The following ADAM22 variants were observed in gnomAD, a reference collection of about 807,000 sequenced individuals.
ADAM22 encodes the protein ADAM metallopeptidase domain 22.
ADAM22 carries 65 observed loss-of-function variants against 144.6 expected under a neutral mutation model. The ratio of observed to expected loss-of-function variants is 0.45; its 90% CI spans 0.37 to 0.55. The LOEUF is 0.55. Among genes scored for constraint, ADAM22 ranks in the 20% least tolerant of loss-of-function variants. The pLI is 0.00. For synonymous variants in ADAM22, 391 were observed against 412.6 expected (o/e 0.95, Z 0.63); for missense variants, 974 against 1,184.9 (o/e 0.82, Z 2.61).
intron 2 of ADAM22, among the ~76,000 whole-genome samples, chr7:87,963,716 T>C (rs1251442028): frequency 6.6e-6 from 1 of 152,160 alleles, no homozygotes; most frequent in Non-Finnish European, 1.5e-5. Flanking sequence ...GCTGAGCAGC[T>C]AATCAGAGGG....
chr7:88,117,581 A>G (rs1037846156), intron 7 of ADAM22, among the ~76,000 whole-genome samples: 9 of 151,450 alleles, frequency 5.9e-5, no homozygotes, highest in African/African-American at 1.9e-4. Flanking sequence ...GCTGTGCTGG[A>G]CTCATTTGTT....
At chr7:87,994,871 A>G (rs1329403192) in intron 3 of ADAM22, among the ~76,000 whole-genome samples, 3 of 151,692 alleles carry the variant, frequency 2.0e-5, no homozygotes, top group Admixed American at 6.6e-5. Context: ...TCTGTCGCCC[A>G]GGCTGGAGTG....
rs1236670237 is a variant in ADAM22, at chr7:88,197,337, AGG to A, written c.*847_*848del. 3 of 152,198 alleles carry A rather than the reference AGG, an allele frequency of 2.0e-5. No individual in the cohort carries two copies. Among genetic ancestry groups the A allele is most frequent in the African/African-American group, 7.2e-5 (3 of 41,448 alleles). The allele number at this position is 152,198 out of a possible 1,614,324, so 9.4% of individuals were successfully genotyped here. On this transcript the variant is annotated 3_prime_UTR_variant, in exon 32 of 32. Coordinates refer to ENST00000413139, the MANE Select transcript of ADAM22 (RefSeq NM_001324418.2). ...TCCCTTTAACCTGTGCACAGTCTGG[AGG>A]CAGTTTTATTGAGTGAGTAGTTGAG... is the stretch of plus-strand genomic sequence containing the variant.
intron 1 of ADAM22, 29 bp downstream of exon 1, chr7:87,934,579 G>A (rs376585097): frequency 1.7e-4 from 263 of 1,590,618 alleles, no homozygotes; most frequent in Non-Finnish European, 2.1e-4. Flanking sequence ...GTGCCTTTGG[G>A]CCATACCATT....
intron 10 of ADAM22, among the ~76,000 whole-genome samples, chr7:88,130,681 C>G (rs1437189205): frequency 6.6e-6 from 1 of 152,072 alleles, no homozygotes; most frequent in Non-Finnish European, 1.5e-5. Flanking sequence ...GAAATTCCAT[C>G]CTATGTTTTT....
intron 3 of ADAM22, among the ~76,000 whole-genome samples, chr7:88,044,516 G>A (rs556047736): frequency 3.4e-4 from 51 of 151,954 alleles, no homozygotes; most frequent in African/African-American, 9.9e-4. Context: ...GCGCGGTCTC[G>A]GCTCACTGCA....
At chr7:88,116,607 A>G in intron 6 of ADAM22, 138 bp from the exon 7 acceptor site, 1 of 639,632 alleles carries the variant, frequency 1.6e-6, no homozygotes. Context: ...GGGGTTGGGC[A>G]ATGGTTCATC....
At chr7:88,124,886 T>C (rs1830062692) in intron 7 of ADAM22, among the ~76,000 whole-genome samples, 1 of 151,962 alleles carries the variant, frequency 6.6e-6, no homozygotes, top group Non-Finnish European at 1.5e-5. Context: ...TCACCTTGAG[T>C]GTTTTATAGT....
chr7:88,167,645 C>T (rs1586423264), intron 24 of ADAM22, among the ~76,000 whole-genome samples: 1 of 152,290 alleles, frequency 6.6e-6, no homozygotes, highest in East Asian at 1.9e-4. Context: ...GGGCAGTAAT[C>T]ACAGAAGTCT....
chr7:87,982,068 T>TATACACACAC (rs1244517564), intron 3 of ADAM22, among the ~76,000 whole-genome samples: 3 of 93,744 alleles, frequency 3.2e-5, no homozygotes, highest in African/African-American at 9.2e-5. Context: ...TATATATATA[T>TATACACACAC]ACACACACAC....
intron 3 of ADAM22, among the ~76,000 whole-genome samples, chr7:88,066,039 T>G (rs1002762974): frequency 6.6e-6 from 1 of 152,196 alleles, no homozygotes; most frequent in East Asian, 1.9e-4. Flanking sequence ...AGACTTTTAC[T>G]GTTTTGAAAA....
At chr7:88,092,342 A>C (rs1019095202) in intron 4 of ADAM22, among the ~76,000 whole-genome samples, 1 of 152,204 alleles carries the variant, frequency 6.6e-6, no homozygotes, top group African/African-American at 2.4e-5. Flanking sequence ...GGAAGAGAGT[A>C]AAAGAGCCAT....
Position 88,202,828 on chromosome 7 carries a change from T to C in ADAM22, c.*6337T>C, listed in dbSNP as rs1851291563. 1 of 152,248 alleles carries C rather than the reference T, an allele frequency of 6.6e-6. No homozygotes were observed. The highest frequency in any genetic ancestry group is 1.5e-5 in the Non-Finnish European group (1 of 68,050). The allele number at this position is 152,248 out of a possible 1,614,324, so 9.4% of individuals were successfully genotyped here. On this transcript the variant is annotated 3_prime_UTR_variant, in exon 32 of 32. Transcript: ENST00000413139. The stretch of plus-strand genomic sequence containing the variant: ...AAGCTAATAAGATACCATGGTTTTC[T>C]ATGTTACTCCCATTGTAACATTAGT...
At chr7:88,155,525 G>GAA (rs797005307) in intron 21 of ADAM22, among the ~76,000 whole-genome samples, 4 of 68,562 alleles carry the variant, frequency 5.8e-5, no homozygotes, top group African/African-American at 1.1e-4. Context: ...CTGACTCTAA[G>GAA]AAAAAAAAAA....
chr7:87,984,961 C>T (rs955431795), intron 3 of ADAM22, among the ~76,000 whole-genome samples: 1 of 151,982 alleles, frequency 6.6e-6, no homozygotes, highest in Admixed American at 6.6e-5. Flanking sequence ...CATGAGCTAC[C>T]ACACCTAGCT....
intron 3 of ADAM22, among the ~76,000 whole-genome samples, chr7:88,030,879 G>A (rs1298323936): frequency 1.3e-5 from 2 of 152,178 alleles, no homozygotes; most frequent in African/African-American, 4.8e-5. Context: ...CACTTTGGGA[G>A]GCCAAGGTGG....
intron 4 of ADAM22, among the ~76,000 whole-genome samples, chr7:88,102,139 T>C (rs1823106423): frequency 6.6e-6 from 1 of 152,228 alleles, no homozygotes; most frequent in Non-Finnish European, 1.5e-5. Flanking sequence ...GTCCAGGATA[T>C]GGTAGATACT....
At chr7:88,047,229 A>G (rs373343117) in intron 3 of ADAM22, among the ~76,000 whole-genome samples, 12 of 151,554 alleles carry the variant, frequency 7.9e-5, no homozygotes, top group Admixed American at 5.9e-4. Context: ...CTCAACTTAA[A>G]CTCTCAGGCA....
intron 2 of ADAM22, among the ~76,000 whole-genome samples, chr7:87,966,181 C>T (rs1849004599): frequency 6.6e-6 from 1 of 152,124 alleles, no homozygotes; most frequent in South Asian, 2.1e-4. Context: ...TCATTTCTCC[C>T]CGGCCTTTTC....
Sources: gnomAD v4.1 joint callset for allele counts (sites outside exome capture counted in the v4.1 genomes callset) on GRCh38, gnomAD v4.1.1 for gene constraint, MANE v1.5 for transcripts, NCBI Gene and HGNC (gene_info 2026-07-23, HGNC 2026-07-21) for gene names.